SSBP4: variants seen among roughly 807,000 people sequenced by gnomAD.
SSBP4 encodes single stranded DNA binding protein 4.
SSBP4 carries 33 observed loss-of-function variants against 64.6 expected under a neutral mutation model. The ratio of observed to expected loss-of-function variants is 0.51; its 90% CI spans 0.39 to 0.68. The LOEUF (loss-of-function observed/expected upper bound fraction) is 0.68, where lower values mean the gene tolerates loss of function less well. Among genes scored for constraint, SSBP4 ranks in the 30% least tolerant of loss-of-function variants. SSBP4 has a pLI of 0.00. For synonymous variants in SSBP4, 243 were observed against 224.0 expected (o/e 1.08, Z -0.76); for missense variants, 583 against 566.8 (o/e 1.03, Z -0.29).
At position 18,434,317 on chromosome 19, in the gene SSBP4, TGAG is replaced by T. The variant is rs754553797; in HGVS notation, c.*73_*75del. On this transcript the variant is annotated 3_prime_UTR_variant, in exon 18 of 18. Coordinates refer to ENST00000270061, the MANE Select transcript of SSBP4 (RefSeq NM_032627.5). Reference sequence around the variant, plus strand: ...AGCGCCCCTGCTCAGGGCGAGGGGCTGAGGTCACACCTCGGGCACCTGGACTCC... The same window carrying T: ...AGCGCCCCTGCTCAGGGCGAGGGGCTGTCACACCTCGGGCACCTGGACTCC... 1.1e-5 allele frequency: 17 copies of T among 1,581,398 alleles called. No homozygotes were observed. Among genetic ancestry groups the T allele is most frequent in the Non-Finnish European group, 1.5e-5 (17 of 1,164,428 alleles).
At chr19:18,404,994 C>CG in the SSBP4 span, among the ~76,000 whole-genome samples, 1 of 151,470 alleles carries the variant, frequency 6.6e-6, no homozygotes, top group Non-Finnish European at 1.5e-5. Context: ...GGCCCCCCCC[C>CG]CCGCGAAAGA....
At chr19:18,413,675 C>T in the SSBP4 span, among the ~76,000 whole-genome samples, 1 of 152,188 alleles carries the variant, frequency 6.6e-6, no homozygotes, top group African/African-American at 2.4e-5. Context: ...GGAAATGAAG[C>T]TCAGTCCTGT....
Position 18,432,624 on chromosome 19 carries a change from G to A in SSBP4, c.750+20G>A. On this transcript the variant is annotated intron_variant, in intron 11 of 17. Coordinates refer to ENST00000270061, the MANE Select transcript of SSBP4 (RefSeq NM_032627.5). ...AACTCGGTGAGCCTATGGCTGGGTG[G>A]GCAGGCTTGGGGTGGGGTGGGAGGG... 1 of 1,554,952 alleles carries A rather than the reference G, an allele frequency of 6.4e-7. No homozygotes were observed. Among genetic ancestry groups the A allele is most frequent in the Non-Finnish European group, 8.7e-7 (1 of 1,146,692 alleles).
At chr19:18,432,286 G>A (rs1973468942) in intron 10 of SSBP4, 72 bp downstream of exon 10, 14 of 1,571,728 alleles carry the variant, frequency 8.9e-6, no homozygotes, top group South Asian at 2.3e-5. Context: ...GGTCAGCTGG[G>A]GCAGGTCCTG....
At chr19:18,405,251 C>G in the SSBP4 span, among the ~76,000 whole-genome samples, 1 of 152,156 alleles carries the variant, frequency 6.6e-6, no homozygotes, top group African/African-American at 2.4e-5. Flanking sequence ...CTGCCCTCCC[C>G]CTTCCCCAGC....
At chr19:18,433,078 G>A (rs776811570) in intron 14 of SSBP4, 35 bp downstream of exon 14, 1 of 1,613,786 alleles carries the variant, frequency 6.2e-7, no homozygotes, top group Non-Finnish European at 8.5e-7. Context: ...TTCTCGAGGC[G>A]GTGACCCCAC....
intron 9 of SSBP4, 28 bp from the exon 10 acceptor site, chr19:18,432,119 A>G: frequency 6.2e-7 from 1 of 1,609,804 alleles, no homozygotes; most frequent in African/African-American, 1.3e-5. Flanking sequence ...TCCCCGGTCT[A>G]CCCCTCACAG....
rs1033227864 is a variant in SSBP4, at chr19:18,430,921, C to T, written c.360C>T (p.Gly120=). 2 of 1,612,292 alleles carry T rather than the reference C, an allele frequency of 1.2e-6. No individual in the cohort carries two copies. The highest frequency in any genetic ancestry group is 1.3e-5 in the African/African-American group (1 of 74,926). ...TGGCCGCAGGCTCCATGGCGGCTGG[C>T]TTCTTCCAGGTATGGCCCCGGCTGG... ...DTMAAGSMAA[G]FFQGPPGSQP... is the part of the protein sequence containing the mutation. The change falls in exon 5 of 18, where the codon GGC becomes GGT. Residue 120 remains glycine, a synonymous_variant. Transcript: ENST00000270061.
intron 17 of SSBP4, 80 bp from the exon 18 acceptor site, chr19:18,434,137 C>T: frequency 6.3e-7 from 1 of 1,599,944 alleles, no homozygotes; most frequent in Non-Finnish European, 8.5e-7. Flanking sequence ...GCCCTGTCCC[C>T]CATTGTCCCT....
At chr19:18,428,230 A>G (rs1046943530) in intron 4 of SSBP4, among the ~76,000 whole-genome samples, 1 of 152,046 alleles carries the variant, frequency 6.6e-6, no homozygotes. Flanking sequence ...CACACTTCTG[A>G]GGGTCCCCAC....
At position 18,433,059 on chromosome 19, in the gene SSBP4, C is replaced by T. The variant is rs748560612; in HGVS notation, c.912+16C>T. ...CAGGGCTAATGTGAGTGGGGGCTTG[C>T]AGGGGTGCTTCTCGAGGCGGTGACC... On this transcript the variant is annotated intron_variant, in intron 14 of 17. Coordinates refer to ENST00000270061, the MANE Select transcript of SSBP4 (RefSeq NM_032627.5). 2 of 1,613,964 alleles carry T rather than the reference C, an allele frequency of 1.2e-6. No homozygotes were observed. Among genetic ancestry groups the T allele is most frequent in the East Asian group, 2.2e-5 (1 of 44,872 alleles).
rs1425970367 is a variant in SSBP4 at position 18,427,559 on chromosome 19, G to A, written c.132+136G>A. On this transcript the variant is annotated intron_variant, in intron 2 of 17. Coordinates refer to ENST00000270061, the MANE Select transcript of SSBP4 (RefSeq NM_032627.5). This position sits in a 1 kb window ranked among gnomAD's most constrained non-coding sequence, Gnocchi z 4.4. ...GGAACTGAGGGCTCTGCAGGGTCCAGGCCCTGGGCTAGCATCCAGGCATCT... is the reference window on the plus strand; with the variant it reads ...GGAACTGAGGGCTCTGCAGGGTCCAAGCCCTGGGCTAGCATCCAGGCATCT... 6 of 1,269,100 alleles carry A rather than the reference G, an allele frequency of 4.7e-6. No individual in the cohort carries two copies. Among genetic ancestry groups the A allele is most frequent in the Non-Finnish European group, 6.5e-6 (6 of 927,674 alleles). The allele number at this position is 1,269,100 out of a possible 1,614,324, so 78.6% of individuals were successfully genotyped here.
chr19:18,431,982 C>T lies in SSBP4; in HGVS notation c.566-18C>T, dbSNP rs1254908637. 7 of 1,550,202 alleles carry T rather than the reference C, an allele frequency of 4.5e-6. No individual in the cohort carries two copies. In the Admixed American group the frequency reaches 5.6e-5, roughly 12 times the overall value. On this transcript the variant is annotated intron_variant, in intron 8 of 17. Transcript: ENST00000270061. ...GAATGGTCCAGGTCCAAGTCCCCTT[C>T]CTTCTGCCCCACCCCAGGGCATCCG...
chr19:18,427,289 G>A lies in SSBP4; in HGVS notation c.60-62G>A. 6.4e-7 allele frequency: 1 copy of A among 1,569,002 alleles called. No individual in the cohort carries two copies. The highest frequency in any genetic ancestry group is 8.7e-7 in the Non-Finnish European group (1 of 1,153,760). Reference sequence around the variant, plus strand: ...CACCCGCCCTCCTGAGAGATGGAGGGGCTTTGGGGTGGGCCCTTGCCTTGG... The same window carrying A: ...CACCCGCCCTCCTGAGAGATGGAGGAGCTTTGGGGTGGGCCCTTGCCTTGG... On this transcript the variant is annotated intron_variant, in intron 1 of 17. Coordinates refer to ENST00000270061, the MANE Select transcript of SSBP4 (RefSeq NM_032627.5). This position sits in a 1 kb window ranked among gnomAD's most constrained non-coding sequence, Gnocchi z 4.4.
chr19:18,434,132 G>C, intron 17 of SSBP4, 85 bp from the exon 18 acceptor site: 2 of 1,589,844 alleles, frequency 1.3e-6, no homozygotes, highest in South Asian at 1.1e-5. Flanking sequence ...GCCCTGCCCT[G>C]TCCCCCATTG....
rs907641600 is a variant in SSBP4 at position 18,419,661 on chromosome 19, G to A, written c.13G>A (p.Gly5Arg). 1 of 1,241,722 alleles carries A rather than the reference G, an allele frequency of 8.1e-7. No individual in the cohort carries two copies. 76.9% of individuals were successfully genotyped at this position (1,241,722 alleles called of 1,614,324 possible). ...GGCGTGGAGCAGCATGTACGCCAAG[G>A]GGGGCAAGGGTTCGGCCGTGCCCTC... MYAK[G>R]GKGSAVPSDS... Residue 5 changes from glycine (G) to arginine (R), a missense_variant, in exon 1 of 18, where the codon GGG (glycine) becomes AGG (arginine). Physicochemically the swap from Gly to Arg is moderately radical, Grantham distance 125. Coordinates refer to ENST00000270061, the MANE Select transcript of SSBP4 (RefSeq NM_032627.5).
rs1198965960 is a variant in SSBP4 at position 18,423,573 on chromosome 19, G to C, written c.60-3778G>C. Among the ~76,000 whole-genome samples, 1 of 152,174 alleles carries C rather than the reference G, an allele frequency of 6.6e-6. No individual in the cohort carries two copies. Among genetic ancestry groups the C allele is most frequent in the Non-Finnish European group, 1.5e-5 (1 of 68,038 alleles). On this transcript the variant is annotated intron_variant, in intron 1 of 17. Coordinates refer to ENST00000270061, the MANE Select transcript of SSBP4 (RefSeq NM_032627.5). This position sits in a 1 kb window ranked among gnomAD's most constrained non-coding sequence, Gnocchi z 4.0. Reference sequence around the variant, plus strand: ...CTGTGTCTAGGAAGGCGCTGAGCAGGGAGCATCCATTGCAGCCATTCTGGG... The same window carrying C: ...CTGTGTCTAGGAAGGCGCTGAGCAGCGAGCATCCATTGCAGCCATTCTGGG...
Position 18,426,430 on chromosome 19 carries a change from G to T in SSBP4, c.60-921G>T, listed in dbSNP as rs1026595171. Among the ~76,000 whole-genome samples the T allele has an allele frequency of 1.3e-4, 20 of 152,210 alleles. No homozygotes were observed. The highest frequency in any genetic ancestry group is 3.9e-4 in the African/African-American group (16 of 41,446). On this transcript the variant is annotated intron_variant, in intron 1 of 17. Transcript: ENST00000270061. This position sits in a 1 kb window ranked among gnomAD's most constrained non-coding sequence, Gnocchi z 4.5. ...TGGTCCCTAGCTGGACAGTACAAGAGCTCTGAGCAGGGAGCGGCTCAGTTC... is the reference window on the plus strand; with the variant it reads ...TGGTCCCTAGCTGGACAGTACAAGATCTCTGAGCAGGGAGCGGCTCAGTTC...
chr19:18,428,627 G>A (rs1973045147), intron 4 of SSBP4, among the ~76,000 whole-genome samples: 1 of 152,182 alleles, frequency 6.6e-6, no homozygotes, highest in Non-Finnish European at 1.5e-5. Context: ...CCCCTCTGTT[G>A]GGTCTGAGGG....
Sources: allele counts gnomAD v4.1 joint callset (sites outside exome capture counted in the v4.1 genomes callset), GRCh38; gene constraint gnomAD v4.1.1; non-coding constraint Gnocchi (gnomAD v3.1); transcripts MANE v1.5; gene names NCBI Gene and HGNC (gene_info 2026-07-23, HGNC 2026-07-21).